Variants in TMEM40 observed in about 807,000 individuals in gnomAD.
The protein encoded by TMEM40 is transmembrane protein 40.
TMEM40 carries 34 observed loss-of-function variants against 40.8 expected under a neutral mutation model. The ratio of observed to expected loss-of-function variants is 0.83; its 90% CI spans 0.63 to 1.11. The LOEUF (loss-of-function observed/expected upper bound fraction) is 1.11, where lower values mean the gene tolerates loss of function less well. TMEM40 is among the 50% of genes least tolerant of loss of function. TMEM40 has a pLI of 0.00. For missense variants in TMEM40, 296 were observed against 280.2 expected (o/e 1.06, Z -0.40); for synonymous variants, 106 against 107.0 (o/e 0.99, Z 0.06).
intron 1 of TMEM40, among the ~76,000 whole-genome samples, chr3:12,757,469 CA>C (rs796454706): frequency 0.16 from 13,843 of 87,274 alleles, 940 homozygotes; most frequent in African/African-American, 0.29. Context: ...AACTCCGTCT[CA>C]AAAAAAAAAA....
intron 1 of TMEM40, among the ~76,000 whole-genome samples, chr3:12,758,598 CT>C (rs1386026556): frequency 1.3e-5 from 2 of 152,180 alleles, no homozygotes; most frequent in Non-Finnish European, 2.9e-5. Flanking sequence ...CATGGCCCAG[CT>C]CTCTGGCATA....
chr3:12,764,785 A>C (rs1234991876), intron 1 of TMEM40, among the ~76,000 whole-genome samples: 1 of 152,218 alleles, frequency 6.6e-6, no homozygotes, highest in Non-Finnish European at 1.5e-5. Flanking sequence ...CTACTTTAAA[A>C]GGCAAGGACT....
intron 1 of TMEM40, among the ~76,000 whole-genome samples, chr3:12,755,556 T>A (rs905363529): frequency 1.3e-5 from 2 of 152,162 alleles, no homozygotes; most frequent in African/African-American, 4.8e-5. Flanking sequence ...TTGGCTTAGA[T>A]GTTCTTAGCT....
At chr3:12,764,932 C>T (rs898225083) in intron 1 of TMEM40, among the ~76,000 whole-genome samples, 2 of 151,924 alleles carry the variant, frequency 1.3e-5, no homozygotes, top group African/African-American at 2.4e-5. Flanking sequence ...AGTGCAGTGG[C>T]GCAATCTCGG....
At chr3:12,767,813 G>C (rs532682314) in intron 1 of TMEM40, among the ~76,000 whole-genome samples, 1 of 152,254 alleles carries the variant, frequency 6.6e-6, no homozygotes, top group East Asian at 1.9e-4. Context: ...ACCTACTGGG[G>C]CTAGTTTGTG....
chr3:12,768,935 GGGGGGGGC>G (rs1559538173), intron 1 of TMEM40, among the ~76,000 whole-genome samples: 733 of 25,240 alleles, frequency 0.029, 12 homozygotes, highest in African/African-American at 0.04. Context: ...GGGGCGGGGC[GGGGGGGGC>G]GGGGGGGGCG....
intron 1 of TMEM40, among the ~76,000 whole-genome samples, chr3:12,755,233 C>CTCTGTCTTTCTTTCTTTCTT (rs1553634013): frequency 1.7e-5 from 1 of 59,886 alleles, no homozygotes; most frequent in African/African-American, 7.2e-5. Flanking sequence ...CTCTCTCTCT[C>CTCTGTCTTTCTTTCTTTCTT]TCTTTCTTTC....
chr3:12,735,186 C>G (rs1668933716), intron 11 of TMEM40, among the ~76,000 whole-genome samples: 1 of 152,190 alleles, frequency 6.6e-6, no homozygotes, highest in Admixed American at 6.5e-5. Flanking sequence ...GCCTACCTCC[C>G]CAGTTGCTAT....
At chr3:12,749,730 T>G in intron 2 of TMEM40, 30 bp downstream of exon 2, 2 of 1,607,448 alleles carry the variant, frequency 1.2e-6, no homozygotes, top group Non-Finnish European at 1.7e-6. Flanking sequence ...CATGTGGTTT[T>G]GCCCAGAGGG....
intron 3 of TMEM40, among the ~76,000 whole-genome samples, chr3:12,747,324 G>A (rs1371547700): frequency 6.6e-6 from 1 of 152,078 alleles, no homozygotes; most frequent in Non-Finnish European, 1.5e-5. Flanking sequence ...AGACCTCCGG[G>A]GAATCCCAAG....
intron 4 of TMEM40, 59 bp downstream of exon 4, chr3:12,743,841 C>CG (rs2061401726): frequency 6.5e-7 from 1 of 1,529,766 alleles, no homozygotes. Context: ...TTCAGTCCCA[C>CG]GGAGAAACTC....
In TMEM40 at chr3:12,754,893, T is replaced by C. The variant is rs6780142; in HGVS notation, c.-9+4298A>G. On this transcript the variant is annotated intron_variant, in intron 1 of 11. Coordinates refer to ENST00000314124, the MANE Select transcript of TMEM40 (RefSeq NM_018306.4). ...AGGAAAGGTCAGTACCTTGAGGAAG[T>C]CACCAGAGAAGTTGCCAACTTCAAT... Among the ~76,000 whole-genome samples the C allele has an allele frequency of 1.1e-3, 161 of 152,340 alleles. 1 individual carries two copies. Among genetic ancestry groups the C allele is most frequent in the African/African-American group, 3.7e-3 (155 of 41,584 alleles).
intron 5 of TMEM40, among the ~76,000 whole-genome samples, chr3:12,740,154 C>T (rs2061370308): frequency 2.0e-5 from 3 of 150,814 alleles, no homozygotes; most frequent in Admixed American, 6.6e-5. Flanking sequence ...AGTGCAGCGG[C>T]ATGATCTCAG....
At chr3:12,751,961 T>C (rs1269229669) in intron 1 of TMEM40, among the ~76,000 whole-genome samples, 1 of 152,314 alleles carries the variant, frequency 6.6e-6, no homozygotes. Context: ...TCTTTCCTAA[T>C]GTCAAAATTG....
At chr3:12,761,367 G>A (rs2061567439), upstream of TMEM40, among the ~76,000 whole-genome samples, 1 of 152,198 alleles carries the variant, frequency 6.6e-6, no homozygotes, top group South Asian at 2.1e-4. Flanking sequence ...CACTTTGGGA[G>A]GCTGAGGCAG....
At chr3:12,752,509 C>T (rs74589204) in intron 1 of TMEM40, among the ~76,000 whole-genome samples, 5,737 of 152,028 alleles carry the variant, frequency 0.038, 137 homozygotes, top group Middle Eastern at 0.061. Flanking sequence ...AGAAACTTGC[C>T]CAGGACCGGC....
At chr3:12,738,633 G>C (rs189885436) in intron 5 of TMEM40, 45 bp from the exon 6 acceptor site, 353 of 1,600,290 alleles carry the variant, frequency 2.2e-4, no homozygotes, top group Middle Eastern at 8.3e-4. Flanking sequence ...TGATCCTCTG[G>C]GGGGGGAGAA....
chr3:12,756,066 A>G (rs1484197314), intron 1 of TMEM40, among the ~76,000 whole-genome samples: 1 of 152,202 alleles, frequency 6.6e-6, no homozygotes, highest in African/African-American at 2.4e-5. Flanking sequence ...AAGGAGTCCG[A>G]CACATGAAAC....
chr3:12,747,281 G>A (rs2061436570), intron 3 of TMEM40, among the ~76,000 whole-genome samples: 1 of 151,970 alleles, frequency 6.6e-6, no homozygotes, highest in South Asian at 2.1e-4. Context: ...CAGGAGCTCT[G>A]GTTGAGGAGG....
Sources: gnomAD v4.1 joint callset for allele counts (sites outside exome capture counted in the v4.1 genomes callset) on GRCh38, gnomAD v4.1.1 for gene constraint, MANE v1.5 for transcripts, NCBI Gene and HGNC (gene_info 2026-07-23, HGNC 2026-07-21) for gene names.